The following CSMD1 variants were observed in gnomAD, a reference collection of about 807,000 sequenced individuals.
CSMD1 encodes the protein CUB and Sushi multiple domains 1, also known as CUB and sushi domain-containing protein 1.
In CSMD1, 213 loss-of-function variants were observed where a neutral mutation model predicts 417.5. That is an observed-to-expected ratio of 0.51 (90% CI 0.46 to 0.57). The LOEUF (loss-of-function observed/expected upper bound fraction) is 0.57. Among genes scored for constraint, CSMD1 ranks in the 20% least tolerant of loss-of-function variants. The pLI, the probability that CSMD1 is intolerant of heterozygous loss-of-function variation, is 0.00. For missense variants in CSMD1, 6,923 were observed against 4,529.7 expected, an observed-to-expected ratio of 1.53 and a Z score of -15.17; for synonymous variants, 2,862 against 1,736.8, an observed-to-expected ratio of 1.65 and a Z score of -16.11.
intron 3 of CSMD1, among the ~76,000 whole-genome samples, chr8:4,054,413 C>G (rs1172013009): frequency 6.6e-6 from 1 of 152,110 alleles, no homozygotes; most frequent in East Asian, 1.9e-4. Context: ...TAGCTAGGCA[C>G]CCATCATACC....
chr8:3,591,911 TG>T (rs1231603440), intron 8 of CSMD1, among the ~76,000 whole-genome samples: 16 of 151,964 alleles, frequency 1.1e-4, no homozygotes, highest in Non-Finnish European at 1.5e-5. Context: ...GAGGAATATA[TG>T]GATTAGACAG....
rs1798360971 is a variant in CSMD1 at position 3,539,777 on chromosome 8, A to AAAC, written c.1344+35167_1344+35168insGTT. Among the ~76,000 whole-genome samples the AAAC allele has an allele frequency of 2.6e-5, 4 of 151,364 alleles. 1 individual carries two copies. In the South Asian group the frequency reaches 8.4e-4, roughly 32 times the overall value. On this transcript the variant is annotated intron_variant, in intron 10 of 69. Coordinates refer to ENST00000635120, the MANE Select transcript of CSMD1 (RefSeq NM_033225.6). ...TTTCTTTATGATAAAAAAAAAAAAA[A>AAAC]ACACAAGAAAGAAAATGCCTACAAA...
In CSMD1 at chr8:4,355,137, C is replaced by G. The variant is rs539371613; in HGVS notation, c.415+64816G>C. Among the ~76,000 whole-genome samples the G allele has an allele frequency of 2.5e-3, 380 of 152,082 alleles. 2 individuals carry two copies. The highest frequency in any genetic ancestry group is 8.8e-3 in the African/African-American group (366 of 41,478). ...ATTAGCCGGGCGTGGTGGCGGGCGCCTGCAGTCCCAGCTACTCAGGAGGCT... is the reference window on the plus strand; with the variant it reads ...ATTAGCCGGGCGTGGTGGCGGGCGCGTGCAGTCCCAGCTACTCAGGAGGCT... On this transcript the variant is annotated intron_variant, in intron 3 of 69. Transcript: ENST00000635120.
intron 3 of CSMD1, among the ~76,000 whole-genome samples, chr8:4,150,935 G>C (rs937118342): frequency 6.6e-6 from 1 of 152,054 alleles, no homozygotes; most frequent in African/African-American, 2.4e-5. Context: ...TTTAATTACA[G>C]TCTGCAACGT....
intron 3 of CSMD1, among the ~76,000 whole-genome samples, chr8:4,130,200 C>G (rs900746608): frequency 6.6e-6 from 1 of 152,084 alleles, no homozygotes; most frequent in Non-Finnish European, 1.5e-5. Context: ...TCTTGAGTGG[C>G]TCAGGGTCCC....
intron 10 of CSMD1, among the ~76,000 whole-genome samples, chr8:3,531,618 G>C (rs775476295): frequency 3.9e-4 from 59 of 152,230 alleles, no homozygotes; most frequent in African/African-American, 1.1e-3. Flanking sequence ...GTCCACTCCA[G>C]GTTATGTGTT....
intron 8 of CSMD1, among the ~76,000 whole-genome samples, chr8:3,596,011 C>T (rs939140244): frequency 3.3e-5 from 5 of 152,078 alleles, no homozygotes; most frequent in Admixed American, 6.5e-5. Flanking sequence ...GACAATTTAT[C>T]AGGGCTTTGA....
chr8:3,294,236 G>A (rs531526509), intron 25 of CSMD1, among the ~76,000 whole-genome samples: 21 of 44,006 alleles, frequency 4.8e-4, no homozygotes, highest in East Asian at 2.3e-3. Flanking sequence ...GGCCCCTACT[G>A]GGGGGTGCCT....
At chr8:3,714,561 CAAAA>C (rs61494901) in intron 6 of CSMD1, among the ~76,000 whole-genome samples, 1 of 70,554 alleles carries the variant, frequency 1.4e-5, no homozygotes, top group Non-Finnish European at 2.5e-5. Context: ...ATCTCTATCC[CAAAA>C]AAAAAAAAAA....
At chr8:3,985,926 T>C (rs551338896) in intron 5 of CSMD1, among the ~76,000 whole-genome samples, 1 of 109,130 alleles carries the variant, frequency 9.2e-6, no homozygotes, top group East Asian at 2.7e-4. Flanking sequence ...CCATTTTGCA[T>C]AACTCAATTT....
rs145066982 is a variant in CSMD1 at position 3,855,230 on chromosome 8, G to T, written c.819-101188C>A. Among the ~76,000 whole-genome samples, 12 of 152,194 alleles carry T rather than the reference G, an allele frequency of 7.9e-5. No individual in the cohort carries two copies. In the East Asian group the frequency reaches 1.9e-3, roughly 24 times the overall value. On this transcript the variant is annotated intron_variant, in intron 5 of 69. Coordinates refer to ENST00000635120, the MANE Select transcript of CSMD1 (RefSeq NM_033225.6). ...TGGACAAGGCTGCGACAGCTATTTT[G>T]TAAAAGAAGAAATAACCATAGATTT...
intron 12 of CSMD1, among the ~76,000 whole-genome samples, chr8:3,437,936 T>A (rs1176265035): frequency 1.3e-5 from 2 of 152,062 alleles, no homozygotes. Context: ...AGACAGGGTT[T>A]CATCATGTTG....
At chr8:4,322,564 G>C (rs555089193) in intron 3 of CSMD1, among the ~76,000 whole-genome samples, 1 of 152,154 alleles carries the variant, frequency 6.6e-6, no homozygotes, top group Admixed American at 6.5e-5. Context: ...GAGTAAGTAA[G>C]ATTTTGATGA....
chr8:3,266,802 A>G (rs2117123517), intron 26 of CSMD1, among the ~76,000 whole-genome samples: 1 of 148,098 alleles, frequency 6.8e-6, no homozygotes, highest in African/African-American at 2.5e-5. Context: ...AAAAAAAAGG[A>G]CCACCCTCAG....
intron 15 of CSMD1, among the ~76,000 whole-genome samples, chr8:3,400,428 A>G (rs1321752536): frequency 6.6e-6 from 1 of 152,154 alleles, no homozygotes; most frequent in East Asian, 1.9e-4. Flanking sequence ...TAATGTAAAA[A>G]TGCAAAAAGT....
At chr8:3,149,640 G>A (rs527424217) in intron 40 of CSMD1, among the ~76,000 whole-genome samples, 2 of 152,226 alleles carry the variant, frequency 1.3e-5, no homozygotes, top group African/African-American at 4.8e-5. Flanking sequence ...ACCATGCCCA[G>A]CTAAGTTTTG....
At chr8:4,678,087 C>G (rs1585437121) in intron 1 of CSMD1, among the ~76,000 whole-genome samples, 1 of 152,088 alleles carries the variant, frequency 6.6e-6, no homozygotes, top group Non-Finnish European at 1.5e-5. Context: ...TAAAGGAACT[C>G]TCTTATCAAG....
intron 1 of CSMD1, among the ~76,000 whole-genome samples, chr8:4,942,260 C>G (rs1465708414): frequency 6.6e-6 from 1 of 152,124 alleles, no homozygotes; most frequent in Non-Finnish European, 1.5e-5. Flanking sequence ...GAAATCACTT[C>G]CCTCTTCCAT....
chr8:3,865,670 T>G (rs1805042457), intron 5 of CSMD1, among the ~76,000 whole-genome samples: 1 of 152,194 alleles, frequency 6.6e-6, no homozygotes, highest in African/African-American at 2.4e-5. Flanking sequence ...TCCTGTTAAG[T>G]ACCAGGCACT....
Sources: allele counts gnomAD v4.1 joint callset (sites outside exome capture counted in the v4.1 genomes callset), GRCh38; gene constraint gnomAD v4.1.1; transcripts MANE v1.5; gene names NCBI Gene and HGNC (gene_info 2026-07-23, HGNC 2026-07-21).